The following CAMSAP2 variants were observed in gnomAD, a reference collection of about 807,000 sequenced individuals.
CAMSAP2 encodes calmodulin regulated spectrin associated protein family member 2.
A neutral mutation model predicts 146.1 loss-of-function variants in CAMSAP2; 26 were observed. The ratio of observed to expected loss-of-function variants is 0.18; its 90% CI spans 0.13 to 0.25. CAMSAP2 has a LOEUF of 0.25. Among genes scored for constraint, CAMSAP2 ranks in the 10% least tolerant of loss-of-function variants. The pLI, the probability that CAMSAP2 is intolerant of heterozygous loss-of-function variation, is 1.00. For missense variants in CAMSAP2, 1,381 were observed against 1,759.3 expected (o/e 0.78, Z 3.85); for synonymous variants, 499 against 596.6 (o/e 0.84, Z 2.38).
intron 2 of CAMSAP2, among the ~76,000 whole-genome samples, chr1:200,770,796 A>G (rs949483853): frequency 6.6e-6 from 1 of 152,204 alleles, no homozygotes; most frequent in African/African-American, 2.4e-5. Flanking sequence ...GAGAAGGCAA[A>G]TAGGGCAGTT....
chr1:200,855,440 G>C (rs1211825414), intron 14 of CAMSAP2, among the ~76,000 whole-genome samples: 1 of 151,964 alleles, frequency 6.6e-6, no homozygotes, highest in Non-Finnish European at 1.5e-5. Context: ...TCATCTTAGA[G>C]TTCTTATCTT....
intron 1 of CAMSAP2, among the ~76,000 whole-genome samples, chr1:200,745,341 A>C (rs956184463): frequency 1.3e-5 from 2 of 152,138 alleles, no homozygotes; most frequent in Admixed American, 6.5e-5. Flanking sequence ...GCCCAGGTTG[A>C]GAATCACTGC....
Position 200,857,342 on chromosome 1 carries a change from A to G in CAMSAP2, c.4049A>G (p.Asn1350Ser). Residue 1350 changes from asparagine (N) to serine (S), a missense_variant, in exon 16 of 17, where the codon AAT (asparagine) becomes AGT (serine). Physicochemically the swap from Asn to Ser is conservative, Grantham distance 46. Around this residue, in one of 4 missense-constraint regions of CAMSAP2, gnomAD observed 90 missense variants for 174.4 expected, o/e 0.52. Coordinates refer to ENST00000358823, the MANE Select transcript of CAMSAP2 (RefSeq NM_203459.4). This position sits in a 1 kb window ranked among gnomAD's most constrained non-coding sequence, Gnocchi z 4.7. ...KLYKEPSAKS[N>S]KHIIQNALAH... is the part of the protein sequence containing the mutation. The stretch of plus-strand genomic sequence containing the variant: ...TACAAAGAACCCAGTGCAAAATCCA[A>G]TAAGCACATAATACAAAATGCTTTA... The G allele has an allele frequency of 6.2e-7, 1 of 1,613,688 alleles. No homozygotes were observed. Among genetic ancestry groups the G allele is most frequent in the Non-Finnish European group, 8.5e-7 (1 of 1,179,724 alleles).
At chr1:200,758,846 TTGTC>T (rs1450100525) in intron 1 of CAMSAP2, among the ~76,000 whole-genome samples, 2 of 152,214 alleles carry the variant, frequency 1.3e-5, no homozygotes, top group East Asian at 3.8e-4. Context: ...TACTTTTTGT[TTGTC>T]TTTAGCAGTT....
intron 2 of CAMSAP2, among the ~76,000 whole-genome samples, chr1:200,765,156 T>C (rs556496524): frequency 9.9e-5 from 15 of 152,062 alleles, no homozygotes; most frequent in Middle Eastern, 3.4e-3. Context: ...AACAAAAACA[T>C]TTCTCTCAAT....
chr1:200,748,965 A>C (rs1164349021), intron 1 of CAMSAP2, among the ~76,000 whole-genome samples: 2 of 152,180 alleles, frequency 1.3e-5, no homozygotes, highest in Non-Finnish European at 2.9e-5. Context: ...CGTGCCATAC[A>C]AAAACTAGCC....
chr1:200,809,912 G>A (rs908528729), intron 3 of CAMSAP2, among the ~76,000 whole-genome samples: 1 of 152,174 alleles, frequency 6.6e-6, no homozygotes, highest in Non-Finnish European at 1.5e-5. Context: ...ATCATCACAT[G>A]TCTGAGCATG....
At chr1:200,851,207 A>T (rs562969794) in intron 11 of CAMSAP2, among the ~76,000 whole-genome samples, 91 of 151,850 alleles carry the variant, frequency 6.0e-4, no homozygotes, top group Admixed American at 1.5e-3. Context: ...TTATTTATTT[A>T]TTTATTTTTT....
chr1:200,841,200 ATT>A (rs984733374), intron 6 of CAMSAP2, among the ~76,000 whole-genome samples: 11 of 152,312 alleles, frequency 7.2e-5, no homozygotes, highest in Admixed American at 2.0e-4. Context: ...TTTTGGTGTT[ATT>A]TAGCACCTGT....
chr1:200,768,548 T>C (rs1243271792), intron 2 of CAMSAP2, among the ~76,000 whole-genome samples: 2 of 152,136 alleles, frequency 1.3e-5, no homozygotes, highest in Non-Finnish European at 2.9e-5. Context: ...CACTGTGGTG[T>C]ATTGTAGAAG....
rs1455015317 is a variant in CAMSAP2, at chr1:200,859,933, C to T, written c.*1874C>T. The T allele has an allele frequency of 2.6e-5, 4 of 152,442 alleles. No individual in the cohort carries two copies. Among genetic ancestry groups the T allele is most frequent in the Non-Finnish European group, 5.9e-5 (4 of 67,942 alleles). The allele number at this position is 152,442 out of a possible 1,614,324, so 9.4% of individuals were successfully genotyped here. A position where few individuals can be genotyped will look rare whatever the true frequency, so the allele number is the denominator to read the frequency against. On this transcript the variant is annotated 3_prime_UTR_variant, in exon 17 of 17. Coordinates refer to ENST00000358823, the MANE Select transcript of CAMSAP2 (RefSeq NM_203459.4). ...TTTACGTTACTAAATTTGTTCATTT[C>T]AATATTAACTAAATTTCCCTCATCA...
At chr1:200,771,784 T>C (rs1260013637) in intron 2 of CAMSAP2, among the ~76,000 whole-genome samples, 9 of 152,208 alleles carry the variant, frequency 5.9e-5, no homozygotes, top group Admixed American at 5.9e-4. Flanking sequence ...CCCTGTCTTA[T>C]AGAAGCAGTG....
intron 2 of CAMSAP2, among the ~76,000 whole-genome samples, chr1:200,804,030 CA>C (rs1355414708): frequency 2.0e-5 from 3 of 151,756 alleles, no homozygotes; most frequent in Non-Finnish European, 4.4e-5. Context: ...GGGTTCATGC[CA>C]TTCTCCTGCC....
chr1:200,779,571 G>A (rs553850952), intron 2 of CAMSAP2, among the ~76,000 whole-genome samples: 1 of 152,288 alleles, frequency 6.6e-6, no homozygotes, highest in East Asian at 1.9e-4. Context: ...GATGCCCAGG[G>A]AGGGCATGTT....
intron 6 of CAMSAP2, among the ~76,000 whole-genome samples, chr1:200,837,702 T>C (rs1667219845): frequency 6.6e-6 from 1 of 152,202 alleles, no homozygotes; most frequent in Non-Finnish European, 1.5e-5. Context: ...TTCCTGTCCA[T>C]GAGCATGGAA....
At position 200,853,686 on chromosome 1, in the gene CAMSAP2, T is replaced by A. The variant is rs1411663194; in HGVS notation, c.3823+191T>A. Among the ~76,000 whole-genome samples, 3 of 152,232 alleles carry A rather than the reference T, an allele frequency of 2.0e-5. No individual in the cohort carries two copies. The highest frequency in any genetic ancestry group is 4.4e-5 in the Non-Finnish European group (3 of 68,040). On this transcript the variant is annotated intron_variant, in intron 13 of 16. Coordinates refer to ENST00000358823, the MANE Select transcript of CAMSAP2 (RefSeq NM_203459.4). The surrounding 1 kb of genome is among the most constrained non-coding windows in gnomAD (Gnocchi z 5.1). ...TAAATGTATTATGTGTGCATGCATA[T>A]ATTCAGTAGAACAAATGTGAATGCT...
chr1:200,741,345 T>C (rs968274792), intron 1 of CAMSAP2, among the ~76,000 whole-genome samples: 1 of 152,244 alleles, frequency 6.6e-6, no homozygotes, highest in Non-Finnish European at 1.5e-5. Context: ...GCGTAACTCA[T>C]AGGAAGAAAC....
chr1:200,816,009 A>T (rs748172081), intron 4 of CAMSAP2, among the ~76,000 whole-genome samples: 3 of 152,198 alleles, frequency 2.0e-5, no homozygotes, highest in Non-Finnish European at 2.9e-5. Flanking sequence ...AAATTCCCAG[A>T]ATTTCACTGG....
At chr1:200,765,285 AG>A (rs2103006679) in intron 2 of CAMSAP2, among the ~76,000 whole-genome samples, 1 of 152,184 alleles carries the variant, frequency 6.6e-6, no homozygotes, top group African/African-American at 2.4e-5. Context: ...GCTGGAGTGC[AG>A]TGACACAATT....
Sources: allele counts gnomAD v4.1 joint callset (sites outside exome capture counted in the v4.1 genomes callset), GRCh38; gene constraint gnomAD v4.1.1; regional missense constraint gnomAD v4.1.1; non-coding constraint Gnocchi (gnomAD v3.1); transcripts MANE v1.5; gene names NCBI Gene and HGNC (gene_info 2026-07-23, HGNC 2026-07-21).